Variants in FSHR observed in about 807,000 individuals in gnomAD.
FSHR encodes the protein follicle-stimulating hormone receptor.
Under a neutral mutation model 52.1 loss-of-function variants are expected in FSHR, and 46 were observed. The ratio of observed to expected loss-of-function variants is 0.88; its 90% confidence interval spans 0.70 to 1.13. FSHR has a LOEUF of 1.13. Ranked by LOEUF, FSHR falls within the 50% of genes most tolerant of loss-of-function variation. The probability of loss-of-function intolerance (pLI) is 0.00; values close to 1 mark genes in which losing one functional copy is unlikely to be tolerated. For synonymous variants in FSHR, 399 were observed against 309.6 expected, an observed-to-expected ratio of 1.29 and a Z score of -3.03; for missense variants, 964 against 834.6, an observed-to-expected ratio of 1.16 and a Z score of -1.91.
At chr2:49,061,753 T>TATAG (rs200761493) in intron 2 of FSHR, among the ~76,000 whole-genome samples, 7,742 of 124,648 alleles carry the variant, frequency 0.062, 404 homozygotes, top group East Asian at 0.24. Flanking sequence ...TATATAACTA[T>TATAG]TTATATATAA....
At chr2:48,964,030 T>C in intron 9 of FSHR, 64 bp from the exon 10 acceptor site, 1 of 1,515,092 alleles carries the variant, frequency 6.6e-7, no homozygotes, top group African/African-American at 1.4e-5. Context: ...TACATCACTG[T>C]CTTTGTGCAG....
At chr2:49,054,911 A>G (rs1486795066) in intron 2 of FSHR, among the ~76,000 whole-genome samples, 1 of 152,196 alleles carries the variant, frequency 6.6e-6, no homozygotes, top group Non-Finnish European at 1.5e-5. Context: ...CCTACTTCAT[A>G]AAATTGGAAC....
intron 1 of FSHR, among the ~76,000 whole-genome samples, chr2:49,143,468 A>G (rs1396334213): frequency 6.6e-6 from 1 of 152,168 alleles, no homozygotes; most frequent in Non-Finnish European, 1.5e-5. Context: ...ACCTGTGACA[A>G]GAAGAATTTT....
Position 49,154,467 on chromosome 2 carries a change from C to T in FSHR, c.-50G>A. The T allele has an allele frequency of 6.3e-7, 1 of 1,590,600 alleles. No homozygotes were observed. Among genetic ancestry groups the T allele is most frequent in the Non-Finnish European group, 8.6e-7 (1 of 1,161,326 alleles). ...TCTTCCTGCATTTGCAGAGAAAAAC[C>T]TCCACAGATCTCAGAAGCTCCACAC... On this transcript the variant is annotated 5_prime_UTR_variant, in exon 1 of 10. Transcript: ENST00000406846.
intron 1 of FSHR, among the ~76,000 whole-genome samples, chr2:49,102,894 A>T (rs1296057589): frequency 6.6e-6 from 1 of 152,120 alleles, no homozygotes; most frequent in Non-Finnish European, 1.5e-5. Context: ...TCAAGGATGG[A>T]AAGGCATCCT....
intron 8 of FSHR, among the ~76,000 whole-genome samples, chr2:48,982,378 A>T (rs1675291298): frequency 6.6e-6 from 1 of 152,190 alleles, no homozygotes; most frequent in Non-Finnish European, 1.5e-5. Flanking sequence ...TGGAAAGAGG[A>T]TCCAAAAATA....
chr2:49,130,052 T>C (rs760340389), intron 1 of FSHR, among the ~76,000 whole-genome samples: 2 of 152,238 alleles, frequency 1.3e-5, no homozygotes, highest in African/African-American at 2.4e-5. Flanking sequence ...CGTCTTTAAA[T>C]GGATATGATA....
intron 1 of FSHR, among the ~76,000 whole-genome samples, chr2:49,078,600 G>C (rs938817178): frequency 6.6e-6 from 1 of 151,430 alleles, no homozygotes; most frequent in Non-Finnish European, 1.5e-5. Context: ...CTCTTTCAAA[G>C]AAAATTTTCA....
intron 2 of FSHR, among the ~76,000 whole-genome samples, chr2:49,064,433 G>T (rs12995248): frequency 6.6e-6 from 1 of 151,814 alleles, no homozygotes; most frequent in Non-Finnish European, 1.5e-5. Context: ...CTTCTGCCAC[G>T]TAGGGACATG....
intron 1 of FSHR, among the ~76,000 whole-genome samples, chr2:49,117,222 C>A (rs1296379296): frequency 2.6e-5 from 4 of 152,320 alleles, no homozygotes; most frequent in South Asian, 4.1e-4. Context: ...GTTTAATATT[C>A]ACCCTTCCAG....
rs779107371 is a variant in FSHR, at chr2:48,963,011, C to T, written c.1810G>A (p.Val604Met). The change falls in exon 10 of 10, where the codon GTG (valine) becomes ATG (methionine). Residue 604 changes from valine to methionine, a missense_variant. Coordinates refer to ENST00000406846, the MANE Select transcript of FSHR (RefSeq NM_000145.4). The part of the protein sequence containing the change: ...SASLKVPLIT[V>M]SKAKILLVLF... ...ACCAGCAGAATCTTTGCTTTGGACA[C>T]AGTGATGAGGGGCACCTTGAGGGAG... 2 of 1,614,058 alleles carry T rather than the reference C, an allele frequency of 1.2e-6. No homozygotes were observed. Among genetic ancestry groups the T allele is most frequent in the Admixed American group, 3.3e-5 (2 of 60,008 alleles).
Position 49,146,818 on chromosome 2 carries a change from G to A in FSHR, c.152+7448C>T, listed in dbSNP as rs191974070. The stretch of plus-strand genomic sequence containing the variant: ...AATTTGTGGATCTTTCTGTTGCATC[G>A]AAACAGTTAAACTTTTGAGGTCCCT... On this transcript the variant is annotated intron_variant, in intron 1 of 9. Coordinates refer to ENST00000406846, the MANE Select transcript of FSHR (RefSeq NM_000145.4). Among the ~76,000 whole-genome samples the A allele has an allele frequency of 1.1e-3, 161 of 152,040 alleles. 1 individual carries two copies. Among genetic ancestry groups the A allele is most frequent in the African/African-American group, 3.7e-3 (155 of 41,498 alleles).
At chr2:49,108,928 C>A (rs991248627) in intron 1 of FSHR, among the ~76,000 whole-genome samples, 3 of 152,060 alleles carry the variant, frequency 2.0e-5, no homozygotes, top group Admixed American at 1.3e-4. Context: ...AACAAAGGGA[C>A]AGTTAGGACC....
intron 2 of FSHR, among the ~76,000 whole-genome samples, chr2:49,021,053 T>C (rs988018131): frequency 1.3e-5 from 2 of 152,134 alleles, no homozygotes; most frequent in Non-Finnish European, 2.9e-5. Flanking sequence ...CATTTACCTA[T>C]TTAACAAACC....
In FSHR at chr2:48,989,312, T is replaced by C. The variant is rs1675663128; in HGVS notation, c.447-258A>G. ...TTTTTTTTTTTTAAGACAGGTTCTC[T>C]TGCTCTGTCACCCAGGCTGGAGTGC... On this transcript the variant is annotated intron_variant, in intron 5 of 9. Transcript: ENST00000406846. 2.7e-5 allele frequency among the ~76,000 whole-genome samples: 4 copies of C among 150,234 alleles called. No homozygotes were observed. The South Asian group carries it at 8.5e-4, about 32-fold the overall frequency.
At chr2:49,068,772 GTGCTTTA>G (rs1455868959) in intron 1 of FSHR, among the ~76,000 whole-genome samples, 1 of 151,994 alleles carries the variant, frequency 6.6e-6, no homozygotes, top group Non-Finnish European at 1.5e-5. Context: ...GCCTGTACCT[GTGCTTTA>G]TACACATTGC....
intron 6 of FSHR, among the ~76,000 whole-genome samples, 153 bp from the exon 7 acceptor site, chr2:48,983,319 G>A (rs1041265534): frequency 1.3e-5 from 2 of 152,206 alleles, no homozygotes; most frequent in East Asian, 3.9e-4. Context: ...GTGGGAGGAA[G>A]ACTGATTTAT....
At chr2:49,005,784 T>C (rs1363778794) in intron 4 of FSHR, among the ~76,000 whole-genome samples, 4 of 152,172 alleles carry the variant, frequency 2.6e-5, no homozygotes. Flanking sequence ...TTATGGCAAC[T>C]GCCCTGTGAT....
intron 2 of FSHR, among the ~76,000 whole-genome samples, chr2:49,063,356 T>C (rs2104330883): frequency 6.6e-6 from 1 of 152,256 alleles, no homozygotes; most frequent in Non-Finnish European, 1.5e-5. Flanking sequence ...CTCTGATGTT[T>C]ATTGTAGCAC....
Sources: gnomAD v4.1 joint callset for allele counts (sites outside exome capture counted in the v4.1 genomes callset) on GRCh38, gnomAD v4.1.1 for gene constraint, MANE v1.5 for transcripts, NCBI Gene and HGNC (gene_info 2026-07-23, HGNC 2026-07-21) for gene names.